EPHA6: variants seen among roughly 807,000 people sequenced by gnomAD.
EPHA6 encodes ephrin type-A receptor 6.
In EPHA6, 50 loss-of-function variants were observed where a neutral mutation model predicts 112.0. That is an observed-to-expected ratio of 0.45 (90% confidence interval 0.36 to 0.56). EPHA6 has a LOEUF of 0.56. Among genes scored for constraint, EPHA6 ranks in the 20% least tolerant of loss-of-function variants. The pLI is 0.00. For synonymous variants in EPHA6, 529 were observed against 490.7 expected (o/e 1.08, Z -1.03); for missense variants, 1,280 against 1,417.4 (o/e 0.90, Z 1.56).
chr3:97,207,100 A>G (rs1038348798), intron 3 of EPHA6, among the ~76,000 whole-genome samples: 2 of 152,120 alleles, frequency 1.3e-5, no homozygotes, highest in Non-Finnish European at 2.9e-5. Flanking sequence ...CAGTTCTTGA[A>G]TATGGTATTT....
chr3:97,160,356 A>C (rs2076384711), intron 3 of EPHA6, among the ~76,000 whole-genome samples: 1 of 151,996 alleles, frequency 6.6e-6, no homozygotes, highest in Non-Finnish European at 1.5e-5. Flanking sequence ...GGGTCACTAC[A>C]ATCTCCGCCT....
intron 11 of EPHA6, among the ~76,000 whole-genome samples, chr3:97,544,660 G>A (rs955526454): frequency 6.6e-6 from 1 of 152,174 alleles, no homozygotes; most frequent in Admixed American, 6.5e-5. Context: ...AGTTTCAGAA[G>A]GAATGGTACC....
At chr3:97,143,876 G>C (rs922116869) in intron 3 of EPHA6, among the ~76,000 whole-genome samples, 1 of 151,664 alleles carries the variant, frequency 6.6e-6, no homozygotes, top group Non-Finnish European at 1.5e-5. Flanking sequence ...TAAGCTATGT[G>C]TGTATTCAGG....
intron 11 of EPHA6, among the ~76,000 whole-genome samples, chr3:97,557,370 A>T (rs1378279309): frequency 6.6e-6 from 1 of 151,970 alleles, no homozygotes; most frequent in East Asian, 1.9e-4. Context: ...GCATTATTTT[A>T]TATGTTCATT....
chr3:97,259,470 T>C (rs373348569), intron 5 of EPHA6, among the ~76,000 whole-genome samples: 1 of 152,326 alleles, frequency 6.6e-6, no homozygotes, highest in African/African-American at 2.4e-5. Flanking sequence ...AATTCTATGA[T>C]GCAATACTTT....
intron 5 of EPHA6, among the ~76,000 whole-genome samples, chr3:97,379,290 T>C (rs1399168216): frequency 6.6e-6 from 1 of 152,140 alleles, no homozygotes; most frequent in Non-Finnish European, 1.5e-5. Flanking sequence ...TTCCCAGTCT[T>C]GTGTATGTAT....
chr3:97,636,404 G>A (rs1055904074), intron 13 of EPHA6, among the ~76,000 whole-genome samples: 14 of 152,084 alleles, frequency 9.2e-5, no homozygotes, highest in African/African-American at 3.1e-4. Flanking sequence ...ATTTGAAACA[G>A]AAAGAGCTAA....
intron 3 of EPHA6, among the ~76,000 whole-genome samples, chr3:97,172,144 A>G (rs1004737156): frequency 2.6e-5 from 4 of 152,084 alleles, no homozygotes; most frequent in Non-Finnish European, 5.9e-5. Context: ...TGATGTTTTG[A>G]AAGTTTACAG....
At chr3:97,386,774 A>G (rs570722261) in intron 5 of EPHA6, among the ~76,000 whole-genome samples, 45 of 152,318 alleles carry the variant, frequency 3.0e-4, no homozygotes, top group Non-Finnish European at 5.6e-4. Flanking sequence ...TTGCACTGCC[A>G]TAGTAGAGGT....
At chr3:97,697,457 T>C (rs2033112679) in intron 14 of EPHA6, among the ~76,000 whole-genome samples, 1 of 152,152 alleles carries the variant, frequency 6.6e-6, no homozygotes, top group African/African-American at 2.4e-5. Flanking sequence ...GAAATGAGAA[T>C]GTATGGCTTC....
At chr3:97,640,405 T>C (rs2093990888) in intron 14 of EPHA6, among the ~76,000 whole-genome samples, 2 of 152,166 alleles carry the variant, frequency 1.3e-5, no homozygotes, top group Non-Finnish European at 2.9e-5. Flanking sequence ...GGTTTTTGTA[T>C]AGCAACTAGG....
chr3:97,685,619 C>T (rs2032188859), intron 14 of EPHA6, among the ~76,000 whole-genome samples: 1 of 152,130 alleles, frequency 6.6e-6, no homozygotes, highest in Admixed American at 6.6e-5. Flanking sequence ...CACACTGACT[C>T]TTAAAAACTT....
chr3:97,290,889 A>T, intron 5 of EPHA6, among the ~76,000 whole-genome samples: 1 of 148,904 alleles, frequency 6.7e-6, no homozygotes, highest in African/African-American at 2.5e-5. Flanking sequence ...CATTCTTTTT[A>T]TTTCTGCTCT....
intron 15 of EPHA6, among the ~76,000 whole-genome samples, chr3:97,723,885 T>A (rs1341047136): frequency 3.3e-5 from 5 of 152,190 alleles, no homozygotes; most frequent in Non-Finnish European, 5.9e-5. Flanking sequence ...ATAACCAGGA[T>A]TTTGTTTGGA....
At chr3:97,189,966 T>C (rs931828526) in intron 3 of EPHA6, among the ~76,000 whole-genome samples, 1 of 149,236 alleles carries the variant, frequency 6.7e-6, no homozygotes, top group Admixed American at 6.7e-5. Context: ...GGTAACAGTG[T>C]ATTGGAGATG....
At chr3:97,646,038 A>T in intron 14 of EPHA6, 1 of 1,081,242 alleles carries the variant, frequency 9.2e-7, no homozygotes, top group Non-Finnish European at 1.3e-6. Flanking sequence ...TTAGAACAGT[A>T]TGCTACATGG....
Position 97,103,815 on chromosome 3 carries a change from G to A in EPHA6, c.1114+115822G>A, listed in dbSNP as rs1010726339. ...TTTCCATTTTTTTGTTTCATCTCTG[G>A]TTTCTTTGAGCAGTGTTTTGTAGTT... On this transcript the variant is annotated intron_variant, in intron 3 of 17. Coordinates refer to ENST00000389672, the MANE Select transcript of EPHA6 (RefSeq NM_001080448.3). Among the ~76,000 whole-genome samples the A allele has an allele frequency of 1.6e-4, 24 of 151,746 alleles. 1 individual carries two copies. The highest frequency in any genetic ancestry group is 2.9e-4 in the Non-Finnish European group (20 of 67,882).
At chr3:97,538,975 TTC>T (rs989264369) in intron 11 of EPHA6, among the ~76,000 whole-genome samples, 4 of 140,168 alleles carry the variant, frequency 2.9e-5, no homozygotes, top group Admixed American at 7.0e-5. Context: ...ACTGGACACT[TTC>T]TCTCTCTTTC....
At chr3:97,245,089 TGAGAAAA>T (rs2078949930) in intron 5 of EPHA6, among the ~76,000 whole-genome samples, 1 of 152,052 alleles carries the variant, frequency 6.6e-6, no homozygotes, top group African/African-American at 2.4e-5. Flanking sequence ...AACACATATA[TGAGAAAA>T]ATTTATAAAG....
Sources: gnomAD v4.1 joint callset for allele counts (sites outside exome capture counted in the v4.1 genomes callset) on GRCh38, gnomAD v4.1.1 for gene constraint, MANE v1.5 for transcripts, NCBI Gene and HGNC (gene_info 2026-07-23, HGNC 2026-07-21) for gene names.